The following PLEKHG1 variants were observed in gnomAD, a reference collection of about 807,000 sequenced individuals.
The protein encoded by PLEKHG1 is pleckstrin homology domain-containing family G member 1.
In PLEKHG1, 44 loss-of-function variants were observed where a neutral mutation model predicts 100.8. The observed-to-expected ratio is 0.44, with a 90% CI of 0.34 to 0.56. The LOEUF is 0.56. Among genes scored for constraint, PLEKHG1 ranks in the 20% least tolerant of loss-of-function variants. The pLI is 0.01. For missense variants in PLEKHG1, 1,545 were observed against 1,720.9 expected (o/e 0.90, Z 1.81); for synonymous variants, 640 against 662.5 (o/e 0.97, Z 0.52).
At chr6:150,768,651 G>A in exon 3 of PLEKHG1, 1 of 1,606,020 alleles carries the variant, frequency 6.2e-7, no homozygotes. Flanking sequence ...TACCTTGACT[G>A]CATCAGGGAC....
intron 3 of PLEKHG1, among the ~76,000 whole-genome samples, chr6:150,669,805 C>A (rs1274838931): frequency 2.0e-5 from 3 of 151,982 alleles, no homozygotes; most frequent in Admixed American, 1.3e-4. Flanking sequence ...ACTATGTTGG[C>A]CAGACTGGTC....
At chr6:150,808,872 GAAATA>G (rs973866594) in intron 7 of PLEKHG1, among the ~76,000 whole-genome samples, 12 of 152,206 alleles carry the variant, frequency 7.9e-5, no homozygotes, top group African/African-American at 2.9e-4. Context: ...TTAAGGAATG[GAAATA>G]AGTAATTAGC....
chr6:150,795,645 C>T (rs975951200), intron 4 of PLEKHG1, among the ~76,000 whole-genome samples: 7 of 151,006 alleles, frequency 4.6e-5, no homozygotes, highest in South Asian at 2.1e-4. Flanking sequence ...TCGCTTGAAC[C>T]GGGGAGGCGG....
rs540292058 is a variant in PLEKHG1 at position 150,667,046 on chromosome 6, C to T, written c.-99+16260C>T. Among the ~76,000 whole-genome samples the T allele has an allele frequency of 6.7e-3, 1,023 of 152,210 alleles. 12 individuals carry two copies. The highest frequency in any genetic ancestry group is 0.023 in the African/African-American group (968 of 41,520). ...GTGCTGGGATTACAGGCGTGAGCCA[C>T]TGCGCCCAGCCTGATAAGATTTTTA... On this transcript the variant is annotated intron_variant, in intron 3 of 3. Coordinates refer to the PLEKHG1 transcript ENST00000367326.
intron 3 of PLEKHG1, among the ~76,000 whole-genome samples, chr6:150,701,417 T>TTTTATATATA (rs1261404373): frequency 3.2e-4 from 10 of 31,158 alleles, no homozygotes; most frequent in Non-Finnish European, 5.5e-4. Context: ...CAGTAATTCT[T>TTTTATATATA]TATATATATA....
intron 2 of PLEKHG1, among the ~76,000 whole-genome samples, chr6:150,762,792 A>G (rs572120885): frequency 1.3e-5 from 2 of 152,204 alleles, no homozygotes; most frequent in South Asian, 4.1e-4. Flanking sequence ...TTCACTTAAG[A>G]TTGGACTTCT....
chr6:150,793,638 G>GTCCATTGGACTTCCCAAT (rs374479074), intron 4 of PLEKHG1, among the ~76,000 whole-genome samples: 4 of 152,180 alleles, frequency 2.6e-5, no homozygotes, highest in African/African-American at 9.7e-5. Context: ...CAGACTTTAT[G>GTCCATTGGACTTCCCAAT]TCCATTGGAC....
chr6:150,682,316 G>A (rs1184147021), intron 3 of PLEKHG1, among the ~76,000 whole-genome samples: 1 of 152,170 alleles, frequency 6.6e-6, no homozygotes, highest in South Asian at 2.1e-4. Flanking sequence ...CAAAAGCAAA[G>A]TGTGGCACAA....
intron 1 of PLEKHG1, among the ~76,000 whole-genome samples, chr6:150,610,821 G>C (rs1205268326): frequency 6.6e-6 from 1 of 152,224 alleles, no homozygotes; most frequent in Admixed American, 6.5e-5. Flanking sequence ...TCTGTAATAT[G>C]TATGTTTCTT....
intron 2 of PLEKHG1, among the ~76,000 whole-genome samples, chr6:150,754,037 A>C (rs1280988630): frequency 6.6e-6 from 1 of 152,196 alleles, no homozygotes; most frequent in East Asian, 1.9e-4. Flanking sequence ...TTTCAGGGAG[A>C]GAAGGAATGA....
intron 7 of PLEKHG1, among the ~76,000 whole-genome samples, chr6:150,806,019 G>A (rs898318488): frequency 6.6e-6 from 1 of 152,140 alleles, no homozygotes; most frequent in Admixed American, 6.6e-5. Context: ...CAGGCTCCTG[G>A]CTGTCCCTAG....
chr6:150,674,631 C>CT (rs1491146215), intron 3 of PLEKHG1, among the ~76,000 whole-genome samples: 10,920 of 96,326 alleles, frequency 0.11, 1,448 homozygotes, highest in Middle Eastern at 0.24. Flanking sequence ...TCTCTCTCCT[C>CT]CCTCTCTCTC....
chr6:150,671,413 C>A (rs1193774166), intron 3 of PLEKHG1, among the ~76,000 whole-genome samples: 1 of 152,176 alleles, frequency 6.6e-6, no homozygotes, highest in Non-Finnish European at 1.5e-5. Flanking sequence ...TCTTTTTCCT[C>A]CGTCCTAGAG....
chr6:150,754,594 G>A (rs1783715867), intron 2 of PLEKHG1, among the ~76,000 whole-genome samples: 1 of 151,922 alleles, frequency 6.6e-6, no homozygotes, highest in Admixed American at 6.6e-5. Flanking sequence ...AGGAGAGGCG[G>A]GATTTGTTGT....
chr6:150,706,986 C>CTTTTTTTTTTTTTTTTTTTTTTTTT (rs1781040055), intron 3 of PLEKHG1, among the ~76,000 whole-genome samples: 1 of 54,714 alleles, frequency 1.8e-5, no homozygotes, highest in South Asian at 6.4e-4. Context: ...CTTTTCTTTT[C>CTTTTTTTTTTTTTTTTTTTTTTTTT]TTTTTCTTTT....
intron 3 of PLEKHG1, among the ~76,000 whole-genome samples, chr6:150,665,223 T>C (rs970958562): frequency 4.6e-5 from 7 of 152,134 alleles, no homozygotes; most frequent in African/African-American, 1.7e-4. Context: ...AAATTATCGC[T>C]CTTCTTGCCT....
intron 10 of PLEKHG1, among the ~76,000 whole-genome samples, chr6:150,816,142 A>G (rs1583186995): frequency 6.6e-6 from 1 of 152,014 alleles, no homozygotes; most frequent in Non-Finnish European, 1.5e-5. Context: ...CGACACCCCA[A>G]GTGTGTTGCT....
chr6:150,653,813 T>C (rs952627843), intron 3 of PLEKHG1, among the ~76,000 whole-genome samples: 1 of 152,162 alleles, frequency 6.6e-6, no homozygotes, highest in Non-Finnish European at 1.5e-5. Context: ...TCCATAGATA[T>C]GTCTGCTCAT....
At chr6:150,677,311 C>CACACACAT (rs1779794908) in intron 3 of PLEKHG1, among the ~76,000 whole-genome samples, 2 of 148,638 alleles carry the variant, frequency 1.3e-5, no homozygotes, top group Non-Finnish European at 3.0e-5. Flanking sequence ...CACGCGCGCG[C>CACACACAT]GCACACACAC....
Sources: gnomAD v4.1 joint callset for allele counts (sites outside exome capture counted in the v4.1 genomes callset) on GRCh38, gnomAD v4.1.1 for gene constraint, MANE v1.5 for transcripts, NCBI Gene and HGNC (gene_info 2026-07-23, HGNC 2026-07-21) for gene names.